AFAP1L1: variants seen among roughly 807,000 people sequenced by gnomAD.
AFAP1L1 encodes actin filament associated protein 1 like 1.
A neutral mutation model predicts 99.8 loss-of-function variants in AFAP1L1; 77 were observed. The observed-to-expected ratio is 0.77, with a 90% CI of 0.64 to 0.93. The LOEUF (loss-of-function observed/expected upper bound fraction) is 0.93. Among genes scored for constraint, AFAP1L1 ranks in the 40% least tolerant of loss-of-function variants. AFAP1L1 has a pLI of 0.00. For synonymous variants in AFAP1L1, 373 were observed against 395.3 expected (o/e 0.94, Z 0.67); for missense variants, 893 against 996.8 (o/e 0.90, Z 1.40).
chr5:149,319,758 C>T, intron 13 of AFAP1L1, 31 bp downstream of exon 13: 1 of 1,607,644 alleles, frequency 6.2e-7, no homozygotes, highest in Non-Finnish European at 8.5e-7. Context: ...CCACACCTGC[C>T]CAGGACCTTT....
intron 3 of AFAP1L1, 40 bp from the exon 4 acceptor site, chr5:149,301,093 A>T: frequency 6.3e-7 from 1 of 1,596,906 alleles, no homozygotes; most frequent in Non-Finnish European, 8.6e-7. Context: ...TGTGCTGCTC[A>T]TCCTTGGCTT....
chr5:149,286,265 T>C (rs1755677647), intron 1 of AFAP1L1, among the ~76,000 whole-genome samples: 1 of 152,074 alleles, frequency 6.6e-6, no homozygotes, highest in African/African-American at 2.4e-5. Context: ...ATTATTATTA[T>C]CCAAATTTTG....
chr5:149,312,175 G>T lies in AFAP1L1; in HGVS notation c.991G>T (p.Val331Phe), dbSNP rs749395785. The T allele has an allele frequency of 1.9e-6, 3 of 1,614,208 alleles. No individual in the cohort carries two copies. Among genetic ancestry groups the T allele is most frequent in the Middle Eastern group, 1.7e-4 (1 of 6,054 alleles). The change falls in exon 9 of 19, where the codon GTC becomes TTC. Residue 331 changes from valine to phenylalanine, a missense_variant. Val to Phe is a conservative substitution (Grantham distance 50). Coordinates refer to ENST00000296721, the MANE Select transcript of AFAP1L1 (RefSeq NM_152406.4). ...AEGVEVPRSP[V>F]LLCKLDLDKR... ...GGGAGTGGAGGTCCCCAGATCCCCA[G>T]TCCTCCTGTGCAAGTTGGACCTGGA...
chr5:149,294,676 C>G lies in AFAP1L1; in HGVS notation c.17-4833C>G, dbSNP rs561758974. Among the ~76,000 whole-genome samples the G allele has an allele frequency of 2.2e-4, 34 of 152,276 alleles. 1 individual carries two copies. In the East Asian group the frequency reaches 3.5e-3, roughly 16 times the overall value. ...AGGCCCAGTGGGGAGAGGGCCTTCA[C>G]GCAGGAATTTCAGCCTCACGGTGAG... On this transcript the variant is annotated intron_variant, in intron 1 of 18. Coordinates refer to ENST00000296721, the MANE Select transcript of AFAP1L1 (RefSeq NM_152406.4).
intron 15 of AFAP1L1, among the ~76,000 whole-genome samples, chr5:149,327,844 AAGAG>A (rs969046186): frequency 4.6e-5 from 7 of 151,944 alleles, no homozygotes; most frequent in African/African-American, 1.2e-4. Flanking sequence ...CTAGAAGGAG[AAGAG>A]AGAGAGAGAC....
chr5:149,339,878 G>A (rs1258337623), intron 18 of AFAP1L1, 129 bp from the exon 19 acceptor site: 6 of 791,300 alleles, frequency 7.6e-6, no homozygotes, highest in Admixed American at 2.5e-5. Flanking sequence ...GAAAGAGAGA[G>A]AGGGGGTTAG....
chr5:149,336,859 G>A (rs1659117), intron 18 of AFAP1L1, among the ~76,000 whole-genome samples: 86,175 of 151,968 alleles, frequency 0.57, 25,422 homozygotes, highest in African/African-American at 0.73. Context: ...TGGAGGGACA[G>A]ACATTCCAAT....
chr5:149,334,728 A>G (rs945479856), intron 17 of AFAP1L1, among the ~76,000 whole-genome samples: 12 of 152,038 alleles, frequency 7.9e-5, no homozygotes, highest in African/African-American at 2.4e-4. Flanking sequence ...CCTGGCCAAC[A>G]TGGTGAAACC....
chr5:149,306,653 C>A (rs1756422865), intron 6 of AFAP1L1, among the ~76,000 whole-genome samples: 1 of 152,248 alleles, frequency 6.6e-6, no homozygotes, highest in Non-Finnish European at 1.5e-5. Context: ...TGAGTAATTT[C>A]TTTTCGCTGA....
At position 149,271,976 on chromosome 5, in the gene AFAP1L1, G is replaced by C. The variant is rs1409324377; in HGVS notation, c.8G>C (p.Arg3Pro). ...GGGGACCGGGCCGGCGCCATGGACC[G>C]AGGCCAGGGTAAGAGGGGCCGCGAC... is the stretch of plus-strand genomic sequence containing the variant. MD[R>P]GQVLEQLLPE... is the part of the protein sequence containing the mutation. Residue 3 changes from arginine (R) to proline (P), a missense_variant, in exon 1 of 19, where the codon CGA becomes CCA. Physicochemically the swap from Arg to Pro is moderately radical, Grantham distance 103 (BLOSUM62 -2). Transcript: ENST00000296721. 8.1e-7 allele frequency: 1 copy of C among 1,237,410 alleles called. No homozygotes were observed. The highest frequency in any genetic ancestry group is 1.0e-6 in the Non-Finnish European group (1 of 988,212). The allele number at this position is 1,237,410 out of a possible 1,614,324, so 76.7% of individuals were successfully genotyped here. A position where few individuals can be genotyped will look rare whatever the true frequency, so the allele number is the denominator to read the frequency against.
At chr5:149,316,504 A>G (rs1554102850) in intron 11 of AFAP1L1, among the ~76,000 whole-genome samples, 1 of 152,158 alleles carries the variant, frequency 6.6e-6, no homozygotes, top group Non-Finnish European at 1.5e-5. Flanking sequence ...CTGACACTCA[A>G]CGAAAGGAAA....
chr5:149,297,537 G>C (rs1756055481), intron 1 of AFAP1L1, among the ~76,000 whole-genome samples: 1 of 152,206 alleles, frequency 6.6e-6, no homozygotes, highest in Admixed American at 6.5e-5. Context: ...TCTAGCAGCT[G>C]AGAGTGCACA....
chr5:149,279,162 G>A (rs1236110428), intron 1 of AFAP1L1, among the ~76,000 whole-genome samples: 1 of 152,246 alleles, frequency 6.6e-6, no homozygotes, highest in Non-Finnish European at 1.5e-5. Context: ...TTGAAGTGGG[G>A]ACATGGAATC....
chr5:149,288,012 T>G (rs1357986928), intron 1 of AFAP1L1, among the ~76,000 whole-genome samples: 1 of 152,220 alleles, frequency 6.6e-6, no homozygotes, highest in African/African-American at 2.4e-5. Flanking sequence ...CACATACCCC[T>G]AGTCAGAGGC....
Position 149,340,011 on chromosome 5 carries a change from G to T in AFAP1L1, c.2288G>T (p.Trp763Leu). 6.2e-7 allele frequency: 1 copy of T among 1,613,992 alleles called. No individual in the cohort carries two copies. Among genetic ancestry groups the T allele is most frequent in the South Asian group, 1.1e-5 (1 of 91,062 alleles). The change falls in exon 19 of 19, where the codon TGG (tryptophan) becomes TTG (leucine). Residue 763 changes from tryptophan (W) to leucine (L), a missense_variant. Trp to Leu is a moderately conservative substitution (Grantham distance 61). Transcript: ENST00000296721. ...TCTTCTCTTTCTGTGCTTCAGGAAT[G>T]GGAAATGAAGAAGACCTAGGAAGAG... The part of the protein sequence containing the change: ...QGRVLQKAKE[W>L]EMKKT
chr5:149,302,457 C>A lies in AFAP1L1; in HGVS notation c.367C>A (p.Pro123Thr), dbSNP rs765955300. ...TCCACCGCTCCCCAACAAGCCTCCC[C>A]CTGAGGACTACTATGAAGAGGCCCT... is the stretch of plus-strand genomic sequence containing the variant. ...LPPPLPNKPP[P>T]EDYYEEALPL... is the part of the protein sequence containing the mutation. The change falls in exon 5 of 19, where the codon CCT becomes ACT. Residue 123 changes from proline to threonine, a missense_variant. Coordinates refer to ENST00000296721, the MANE Select transcript of AFAP1L1 (RefSeq NM_152406.4). 12 of 1,596,634 alleles carry A rather than the reference C, an allele frequency of 7.5e-6. No homozygotes were observed. The Admixed American group carries it at 1.2e-4, about 16-fold the overall frequency.
chr5:149,308,077 A>G (rs1438785816), intron 7 of AFAP1L1, among the ~76,000 whole-genome samples: 3 of 151,518 alleles, frequency 2.0e-5, no homozygotes, highest in Admixed American at 2.0e-4. Context: ...TGAAACCAGA[A>G]GGCTGAGGTT....
At position 149,340,077 on chromosome 5, in the gene AFAP1L1, C is replaced by T. The variant is rs776707601; in HGVS notation, c.*47C>T. On this transcript the variant is annotated 3_prime_UTR_variant, in exon 19 of 19. Coordinates refer to ENST00000296721, the MANE Select transcript of AFAP1L1 (RefSeq NM_152406.4). ...CCAAAGGAAATACCAGCTTGTCCAC[C>T]TGAGGAAGAAATGCTTTTTTCACAA... The T allele has an allele frequency of 4.3e-6, 7 of 1,609,982 alleles. No homozygotes were observed. In the Admixed American group the frequency reaches 5.0e-5, roughly 12 times the overall value.
intron 18 of AFAP1L1, among the ~76,000 whole-genome samples, chr5:149,336,019 C>T (rs1215424655): frequency 1.3e-5 from 2 of 152,158 alleles, no homozygotes; most frequent in Admixed American, 6.5e-5. Context: ...AAATCGAGGA[C>T]GATGGGACTT....
Sources: gnomAD v4.1 joint callset for allele counts (sites outside exome capture counted in the v4.1 genomes callset) on GRCh38, gnomAD v4.1.1 for gene constraint, MANE v1.5 for transcripts, NCBI Gene and HGNC (gene_info 2026-07-23, HGNC 2026-07-21) for gene names.